SND1: variants seen among roughly 807,000 people sequenced by gnomAD.
The protein encoded by SND1 is staphylococcal nuclease and tudor domain containing 1.
Under a neutral mutation model 121.7 loss-of-function variants are expected in SND1, and 38 were observed. The observed-to-expected ratio is 0.31, with a 90% CI of 0.24 to 0.41. The LOEUF is 0.41. Among genes scored for constraint, SND1 ranks in the 10% least tolerant of loss-of-function variants. The pLI, the probability that SND1 is intolerant of heterozygous loss-of-function variation, is 1.00. For synonymous variants in SND1, 401 were observed against 447.4 expected (o/e 0.90, Z 1.31); for missense variants, 868 against 1,184.6 (o/e 0.73, Z 3.92).
At chr7:127,826,631 T>C (rs547872818) in intron 11 of SND1, among the ~76,000 whole-genome samples, 1 of 152,364 alleles carries the variant, frequency 6.6e-6, no homozygotes, top group African/African-American at 2.4e-5. Flanking sequence ...GGGGTTTTAC[T>C]TCTCTCATAT....
At chr7:127,727,108 C>T (rs1796595462) in intron 10 of SND1, among the ~76,000 whole-genome samples, 1 of 152,190 alleles carries the variant, frequency 6.6e-6, no homozygotes, top group Non-Finnish European at 1.5e-5. Flanking sequence ...AAGGTTTGTT[C>T]ACACCAGGGC....
intron 15 of SND1, among the ~76,000 whole-genome samples, chr7:127,932,095 G>A (rs1584676062): frequency 6.6e-6 from 1 of 152,198 alleles, no homozygotes; most frequent in Admixed American, 6.5e-5. Flanking sequence ...TAAGCCTAAA[G>A]CTGCCATAAA....
Position 128,029,907 on chromosome 7 carries a change from T to C in SND1, c.1779+38851T>C, listed in dbSNP as rs142489489. ...CTGTGAGTTCATGACCCAGAGCTTC[T>C]TGAGGGAGCTCAGGCCATGGAAGGA... is the stretch of plus-strand genomic sequence containing the variant. On this transcript the variant is annotated intron_variant, in intron 16 of 23. Coordinates refer to ENST00000354725, the MANE Select transcript of SND1 (RefSeq NM_014390.4). The surrounding 1 kb of genome is among the most constrained non-coding windows in gnomAD (Gnocchi z 4.2). 1.2e-6 allele frequency: 2 copies of C among 1,613,124 alleles called. No homozygotes were observed. The highest frequency in any genetic ancestry group is 2.7e-5 in the African/African-American group (2 of 74,928).
intron 1 of SND1, among the ~76,000 whole-genome samples, chr7:127,653,258 A>G (rs1024842670): frequency 6.6e-6 from 1 of 152,110 alleles, no homozygotes; most frequent in Non-Finnish European, 1.5e-5. Flanking sequence ...TATTTTTACA[A>G]TTTACTCCTA....
chr7:127,784,276 A>G (rs964753016), intron 10 of SND1, among the ~76,000 whole-genome samples: 7 of 152,170 alleles, frequency 4.6e-5, no homozygotes, highest in Admixed American at 2.6e-4. Context: ...TCACTTTTGC[A>G]TTCTACAGGT....
intron 16 of SND1, among the ~76,000 whole-genome samples, chr7:128,044,096 T>C (rs1241813203): frequency 6.6e-6 from 1 of 152,200 alleles, no homozygotes; most frequent in East Asian, 1.9e-4. Context: ...TACCCAAGAC[T>C]CATTGCTTTC....
At chr7:127,983,684 GTATTGAATATTCAATATTCAATAA>G (rs932085834) in intron 15 of SND1, among the ~76,000 whole-genome samples, 23 of 151,948 alleles carry the variant, frequency 1.5e-4, no homozygotes, top group Admixed American at 4.6e-4. Context: ...TAAAGCAGAG[GTATTGAATATTCAATATTCAATAA>G]TATTGAATAT....
At chr7:127,727,235 G>T (rs192323339) in intron 10 of SND1, among the ~76,000 whole-genome samples, 3 of 152,198 alleles carry the variant, frequency 2.0e-5, no homozygotes, top group African/African-American at 4.8e-5. Flanking sequence ...GACCTGGCCC[G>T]CCTGGCTCTC....
At position 127,956,493 on chromosome 7, in the gene SND1, G is replaced by T. The variant is rs537544565; in HGVS notation, c.1669+27164G>T. On this transcript the variant is annotated intron_variant, in intron 15 of 23. Coordinates refer to ENST00000354725, the MANE Select transcript of SND1 (RefSeq NM_014390.4). ...CCAGGCAGTGAGCATCTGCATAAAG[G>T]TGAGGTGAGGTTACAGAACATCTCT... Among the ~76,000 whole-genome samples the T allele has an allele frequency of 5.3e-5, 8 of 152,314 alleles. No homozygotes were observed. In the East Asian group the frequency reaches 1.5e-3, roughly 29 times the overall value.
chr7:127,849,217 T>C (rs767535673), intron 12 of SND1, among the ~76,000 whole-genome samples: 1 of 152,232 alleles, frequency 6.6e-6, no homozygotes. Context: ...ATAACTCTTC[T>C]TATGATTTAG....
chr7:127,693,337 G>T (rs1795954090), intron 2 of SND1, among the ~76,000 whole-genome samples: 1 of 152,096 alleles, frequency 6.6e-6, no homozygotes, highest in East Asian at 1.9e-4. Flanking sequence ...GAGTGAATTG[G>T]GTTGGCCTCT....
At chr7:127,940,754 A>G (rs1448015921) in intron 15 of SND1, among the ~76,000 whole-genome samples, 2 of 152,218 alleles carry the variant, frequency 1.3e-5, no homozygotes, top group African/African-American at 4.8e-5. Context: ...CCCCAGTCAG[A>G]TGGGCTGGAT....
intron 12 of SND1, among the ~76,000 whole-genome samples, chr7:127,879,044 A>G (rs1799743129): frequency 1.3e-5 from 2 of 151,828 alleles, no homozygotes; most frequent in Admixed American, 6.6e-5. Flanking sequence ...GTGTGGTGTG[A>G]CTCCTTGAAG....
At position 127,679,696 on chromosome 7, in the gene SND1, T is replaced by A. The variant is rs75697505; in HGVS notation, c.79-6917T>A. The stretch of plus-strand genomic sequence containing the variant: ...GGGAACAGTTCAGTATGTGGCCATT[T>A]GTGTCTGGCTTCTTTTACTTAACAT... On this transcript the variant is annotated intron_variant, in intron 1 of 23. Coordinates refer to ENST00000354725, the MANE Select transcript of SND1 (RefSeq NM_014390.4). 4.2e-3 allele frequency among the ~76,000 whole-genome samples: 634 copies of A among 152,364 alleles called. 6 individuals are homozygous for A. Among genetic ancestry groups the A allele is most frequent in the African/African-American group, 0.015 (609 of 41,596 alleles).
intron 16 of SND1, among the ~76,000 whole-genome samples, chr7:128,036,203 TTGTGTGTG>T (rs34733932): frequency 1.3e-5 from 2 of 151,510 alleles, no homozygotes; most frequent in African/African-American, 2.4e-5. Flanking sequence ...ATGAACACAT[TTGTGTGTG>T]TGTGTGTGTG....
intron 12 of SND1, among the ~76,000 whole-genome samples, chr7:127,872,417 T>C (rs1799608577): frequency 6.6e-6 from 1 of 152,198 alleles, no homozygotes; most frequent in Admixed American, 6.5e-5. Flanking sequence ...ATACCAATGC[T>C]GTGTGTAACT....
At chr7:127,748,924 A>G (rs1161524634) in intron 10 of SND1, among the ~76,000 whole-genome samples, 4 of 152,162 alleles carry the variant, frequency 2.6e-5, no homozygotes, top group South Asian at 2.1e-4. Context: ...AACACCCAAA[A>G]CCAAGAAATA....
chr7:127,783,363 T>A (rs1797756151), intron 10 of SND1, among the ~76,000 whole-genome samples: 1 of 152,210 alleles, frequency 6.6e-6, no homozygotes, highest in African/African-American at 2.4e-5. Context: ...TTTTTGGTGA[T>A]TGACAGGATA....
rs536429750 is a variant in SND1 at position 127,788,342 on chromosome 7, A to C, written c.1153-19142A>C. 4.6e-5 allele frequency among the ~76,000 whole-genome samples: 7 copies of C among 152,360 alleles called. No individual in the cohort carries two copies. In the South Asian group the frequency reaches 1.4e-3, roughly 32 times the overall value. On this transcript the variant is annotated intron_variant, in intron 10 of 23. Transcript: ENST00000354725. ...TGTTGGAGACAAATACATGGTTCCC[A>C]GATCATACAGTTTGTAATTAGCAGA...
Sources: gnomAD v4.1 joint callset for allele counts (sites outside exome capture counted in the v4.1 genomes callset) on GRCh38, gnomAD v4.1.1 for gene constraint, Gnocchi (gnomAD v3.1) non-coding constraint, MANE v1.5 for transcripts, NCBI Gene and HGNC (gene_info 2026-07-23, HGNC 2026-07-21) for gene names.